GALNTL6: variants seen among roughly 807,000 people sequenced by gnomAD.
GALNTL6 encodes the protein polypeptide N-acetylgalactosaminyltransferase like 6.
Under a neutral mutation model 73.7 loss-of-function variants are expected in GALNTL6, and 46 were observed. The ratio of observed to expected loss-of-function variants is 0.62; its 90% CI spans 0.49 to 0.80. The LOEUF is 0.80. Among genes scored for constraint, GALNTL6 ranks in the 30% least tolerant of loss-of-function variants. GALNTL6 has a pLI of 0.00. For synonymous variants in GALNTL6, 259 were observed against 263.7 expected (o/e 0.98, Z 0.17); for missense variants, 604 against 755.0 (o/e 0.80, Z 2.34).
chr4:172,885,663 C>T (rs1030484702), intron 8 of GALNTL6, among the ~76,000 whole-genome samples: 1 of 152,124 alleles, frequency 6.6e-6, no homozygotes, highest in Non-Finnish European at 1.5e-5. Context: ...TTTCAATTTT[C>T]CCCCTTTCAG....
intron 2 of GALNTL6, among the ~76,000 whole-genome samples, chr4:172,132,913 G>A (rs879856419): frequency 4.6e-5 from 7 of 152,004 alleles, no homozygotes; most frequent in East Asian, 1.9e-4. Flanking sequence ...TAGAAACTGG[G>A]ACATTTTCTG....
intron 2 of GALNTL6, among the ~76,000 whole-genome samples, chr4:171,911,570 C>T (rs1737478409): frequency 6.6e-6 from 1 of 152,160 alleles, no homozygotes; most frequent in South Asian, 2.1e-4. Flanking sequence ...TTAAGTTAAG[C>T]ACATAGAGTC....
At chr4:172,677,986 C>T (rs751396806) in intron 5 of GALNTL6, among the ~76,000 whole-genome samples, 12 of 152,052 alleles carry the variant, frequency 7.9e-5, no homozygotes, top group Non-Finnish European at 1.2e-4. Context: ...TATACAAAAG[C>T]GTTGGTGGAA....
intron 4 of GALNTL6, among the ~76,000 whole-genome samples, chr4:172,316,702 G>A (rs1050267120): frequency 3.9e-5 from 6 of 152,184 alleles, no homozygotes; most frequent in Non-Finnish European, 5.9e-5. Flanking sequence ...CCCCAGAAAC[G>A]ATTTGCTATG....
chr4:172,377,692 G>A (rs1315300368), intron 5 of GALNTL6, among the ~76,000 whole-genome samples: 2 of 152,188 alleles, frequency 1.3e-5, no homozygotes, highest in African/African-American at 4.8e-5. Context: ...CAGGGAGGCA[G>A]CTGAGGCCTG....
chr4:172,685,261 T>A (rs1215058435), intron 5 of GALNTL6, among the ~76,000 whole-genome samples: 1 of 152,174 alleles, frequency 6.6e-6, no homozygotes, highest in African/African-American at 2.4e-5. Flanking sequence ...TTAGTGAATC[T>A]TTTTCATTAG....
chr4:172,834,283 T>G (rs1742793796), intron 7 of GALNTL6, among the ~76,000 whole-genome samples: 1 of 152,098 alleles, frequency 6.6e-6, no homozygotes, highest in African/African-American at 2.4e-5. Context: ...CTGAGAACCA[T>G]GAGAGCCCCA....
At chr4:172,226,133 C>T (rs1736859125) in intron 2 of GALNTL6, among the ~76,000 whole-genome samples, 1 of 152,144 alleles carries the variant, frequency 6.6e-6, no homozygotes, top group Admixed American at 6.5e-5. Context: ...TACCCACCTC[C>T]CCTACTTGCA....
chr4:172,871,759 T>TTTTTGTTTG (rs1744952683), intron 7 of GALNTL6, among the ~76,000 whole-genome samples: 1 of 150,438 alleles, frequency 6.6e-6, no homozygotes, highest in African/African-American at 2.5e-5. Context: ...TAGCATAGTT[T>TTTTTGTTTG]TTTGTTTGTT....
chr4:172,491,988 C>T (rs1389850509), intron 5 of GALNTL6, among the ~76,000 whole-genome samples: 1 of 152,054 alleles, frequency 6.6e-6, no homozygotes, highest in Non-Finnish European at 1.5e-5. Context: ...TCATTTATTT[C>T]CAAATATCCA....
intron 5 of GALNTL6, among the ~76,000 whole-genome samples, chr4:172,363,031 C>G (rs572030468): frequency 4.9e-4 from 74 of 152,202 alleles, no homozygotes; most frequent in African/African-American, 1.7e-3. Context: ...AACTGGCAGT[C>G]TTCCCTCTCT....
In GALNTL6 at chr4:172,506,004, C is replaced by T. The variant is rs1373714465; in HGVS notation, c.553+157315C>T. Among the ~76,000 whole-genome samples, 22 of 53,942 alleles carry T rather than the reference C, an allele frequency of 4.1e-4. 8 individuals carry two copies. In the Admixed American group the frequency reaches 4.4e-3, roughly 11 times the overall value. The allele number at this position is 53,942 out of a possible 152,430, so 35.4% of individuals were successfully genotyped here. A position where few individuals can be genotyped will look rare whatever the true frequency, so the allele number is the denominator to read the frequency against. The stretch of plus-strand genomic sequence containing the variant: ...GAAAGAAACAAAAATACACCAAGCT[C>T]GCAGCACATTCAGCATTATCATTAG... On this transcript the variant is annotated intron_variant, in intron 5 of 12. Coordinates refer to ENST00000506823, the MANE Select transcript of GALNTL6 (RefSeq NM_001034845.3).
intron 11 of GALNTL6, among the ~76,000 whole-genome samples, chr4:173,014,094 A>G (rs1752675864): frequency 6.6e-6 from 1 of 152,182 alleles, no homozygotes; most frequent in South Asian, 2.1e-4. Flanking sequence ...CAAAATTGTT[A>G]CATGGGAAAT....
intron 2 of GALNTL6, among the ~76,000 whole-genome samples, chr4:171,898,687 C>T (rs561976725): frequency 2.0e-4 from 31 of 152,012 alleles, no homozygotes; most frequent in Non-Finnish European, 4.6e-4. Flanking sequence ...TTGCCTGGAT[C>T]TGGGAGTTGG....
chr4:172,191,012 A>C (rs1034164473), intron 2 of GALNTL6, among the ~76,000 whole-genome samples: 1 of 152,190 alleles, frequency 6.6e-6, no homozygotes, highest in Non-Finnish European at 1.5e-5. Flanking sequence ...GATTTCACTT[A>C]CCTGGTGGCT....
chr4:172,639,566 T>G (rs1312542820), intron 5 of GALNTL6, among the ~76,000 whole-genome samples: 4 of 152,178 alleles, frequency 2.6e-5, no homozygotes, highest in Non-Finnish European at 4.4e-5. Context: ...AGAGAATCCC[T>G]AATATTGTCA....
chr4:172,306,343 C>T (rs541642462), intron 3 of GALNTL6, among the ~76,000 whole-genome samples: 5 of 152,096 alleles, frequency 3.3e-5, no homozygotes, highest in African/African-American at 1.2e-4. Flanking sequence ...GAGCCGAGAT[C>T]GCGCCACTGC....
At chr4:171,909,810 C>T (rs1319504606) in intron 2 of GALNTL6, among the ~76,000 whole-genome samples, 1 of 152,056 alleles carries the variant, frequency 6.6e-6, no homozygotes, top group Non-Finnish European at 1.5e-5. Context: ...TGTATGACTG[C>T]ATTGTAAACC....
chr4:172,432,542 A>T (rs1458394134), intron 5 of GALNTL6, among the ~76,000 whole-genome samples: 1 of 152,052 alleles, frequency 6.6e-6, no homozygotes, highest in African/African-American at 2.4e-5. Context: ...AATACATCCA[A>T]ATTAAGTCCC....
Sources: gnomAD v4.1 joint callset for allele counts (sites outside exome capture counted in the v4.1 genomes callset) on GRCh38, gnomAD v4.1.1 for gene constraint, MANE v1.5 for transcripts, NCBI Gene and HGNC (gene_info 2026-07-23, HGNC 2026-07-21) for gene names.